Variants in CSNK1G3 observed in about 807,000 individuals in gnomAD.
CSNK1G3 encodes casein kinase 1 gamma 3.
In CSNK1G3, 23 loss-of-function variants were observed where a neutral mutation model predicts 64.3. The observed-to-expected ratio is 0.36, with a 90% CI of 0.26 to 0.51. The LOEUF (loss-of-function observed/expected upper bound fraction) is 0.51, where lower values mean the gene tolerates loss of function less well. Among genes scored for constraint, CSNK1G3 ranks in the 20% least tolerant of loss-of-function variants. The pLI is 0.96. For missense variants in CSNK1G3, 357 were observed against 510.5 expected, an observed-to-expected ratio of 0.70 and a Z score of 2.90; for synonymous variants, 158 against 162.2, an observed-to-expected ratio of 0.97 and a Z score of 0.20.
intron 6 of CSNK1G3, among the ~76,000 whole-genome samples, chr5:123,586,908 C>A (rs1218805277): frequency 2.6e-5 from 4 of 152,132 alleles, no homozygotes; most frequent in Middle Eastern, 3.2e-3. Context: ...CAAGGAGGAG[C>A]AAGTCACATC....
intron 1 of CSNK1G3, among the ~76,000 whole-genome samples, chr5:123,518,554 G>A (rs1482988931): frequency 6.6e-6 from 1 of 152,270 alleles, no homozygotes; most frequent in South Asian, 2.1e-4. Context: ...CTCTCTTTCT[G>A]TCTGTGTCTC....
At chr5:123,531,351 T>G (rs754215485) in intron 1 of CSNK1G3, among the ~76,000 whole-genome samples, 18 of 152,032 alleles carry the variant, frequency 1.2e-4, no homozygotes, top group Non-Finnish European at 2.2e-4. Flanking sequence ...TTTGCAGTCT[T>G]AAGGAGGTCA....
chr5:123,575,233 A>G (rs1450702212), intron 5 of CSNK1G3, among the ~76,000 whole-genome samples: 2 of 152,226 alleles, frequency 1.3e-5, no homozygotes, highest in East Asian at 3.8e-4. Flanking sequence ...GGAAAAAGTA[A>G]AGGAAACATG....
At chr5:123,579,291 GT>G (rs11299582) in intron 6 of CSNK1G3, among the ~76,000 whole-genome samples, 132,825 of 142,228 alleles carry the variant, frequency 0.93, 61,950 homozygotes, top group East Asian at 0.98. Flanking sequence ...TAAATTTGCT[GT>G]TTTTTTTTTT....
At chr5:123,517,999 C>T (rs1273754228) in intron 1 of CSNK1G3, among the ~76,000 whole-genome samples, 1 of 150,516 alleles carries the variant, frequency 6.6e-6, no homozygotes, top group Non-Finnish European at 1.5e-5. Flanking sequence ...AATTGTTTAT[C>T]TAGTCAGGTG....
chr5:123,568,383 C>A (rs1787379414), intron 4 of CSNK1G3, among the ~76,000 whole-genome samples: 1 of 152,090 alleles, frequency 6.6e-6, no homozygotes, highest in Admixed American at 6.5e-5. Context: ...CACCGGTTGT[C>A]ATGTAAAATC....
intron 1 of CSNK1G3, among the ~76,000 whole-genome samples, chr5:123,541,070 T>C (rs1781596083): frequency 6.6e-6 from 1 of 152,238 alleles, no homozygotes. Context: ...ACATGGCAGT[T>C]AGCTCAAGGT....
intron 1 of CSNK1G3, among the ~76,000 whole-genome samples, chr5:123,528,989 T>A (rs1450426686): frequency 6.6e-6 from 1 of 152,228 alleles, no homozygotes; most frequent in East Asian, 1.9e-4. Flanking sequence ...AAGAGTTTGC[T>A]TTTTGCAAGC....
chr5:123,591,406 A>G, exon 10 of CSNK1G3: 1 of 1,602,772 alleles, frequency 6.2e-7, no homozygotes, highest in Non-Finnish European at 8.5e-7. Context: ...GCAACAATCC[A>G]AAAACCAGGT....
chr5:123,533,928 T>C (rs1780384303), intron 1 of CSNK1G3, among the ~76,000 whole-genome samples: 1 of 152,034 alleles, frequency 6.6e-6, no homozygotes, highest in African/African-American at 2.4e-5. Flanking sequence ...ACTAGGCTAA[T>C]ATTTCTGGGT....
At chr5:123,575,701 ACTTCT>A (rs1272199069) in intron 5 of CSNK1G3, 23 bp from the exon 6 acceptor site, 2 of 1,479,390 alleles carry the variant, frequency 1.4e-6, no homozygotes, top group Non-Finnish European at 1.9e-6. Flanking sequence ...CCAAAATAAA[ACTTCT>A]CTTCTTTTTT....
At chr5:123,546,655 C>G (rs1782579866) in intron 2 of CSNK1G3, among the ~76,000 whole-genome samples, 1 of 151,934 alleles carries the variant, frequency 6.6e-6, no homozygotes, top group African/African-American at 2.4e-5. Flanking sequence ...AGTGGACCAC[C>G]AAGAGTGAAC....
chr5:123,514,524 A>G (rs1007151770), intron 1 of CSNK1G3, among the ~76,000 whole-genome samples: 1 of 152,212 alleles, frequency 6.6e-6, no homozygotes, highest in Non-Finnish European at 1.5e-5. Flanking sequence ...TACTGCCTTC[A>G]AGGGAGAAGC....
intron 5 of CSNK1G3, among the ~76,000 whole-genome samples, chr5:123,575,370 A>G (rs6595461): frequency 0.22 from 34,089 of 152,106 alleles, 4,066 homozygotes; most frequent in African/African-American, 0.28. Context: ...TTATATTGCA[A>G]TGTTTTGCAT....
At chr5:123,561,917 C>T (rs950237626) in intron 4 of CSNK1G3, among the ~76,000 whole-genome samples, 5 of 152,150 alleles carry the variant, frequency 3.3e-5, no homozygotes, top group Non-Finnish European at 7.4e-5. Context: ...AATTTTGTCT[C>T]TTAAAATCTC....
chr5:123,581,346 T>C (rs2150829634), intron 6 of CSNK1G3, among the ~76,000 whole-genome samples: 1 of 143,686 alleles, frequency 7.0e-6, no homozygotes, highest in African/African-American at 2.6e-5. Context: ...ATTCTCTTTT[T>C]GTTTTTTGGG....
intron 6 of CSNK1G3, among the ~76,000 whole-genome samples, chr5:123,582,886 A>G (rs1469782029): frequency 6.6e-6 from 1 of 152,210 alleles, no homozygotes; most frequent in Non-Finnish European, 1.5e-5. Context: ...TTATTTCCAG[A>G]TATGTCAGTT....
intron 2 of CSNK1G3, among the ~76,000 whole-genome samples, chr5:123,549,835 A>G (rs1051258667): frequency 6.6e-5 from 10 of 152,226 alleles, no homozygotes; most frequent in African/African-American, 2.4e-4. Flanking sequence ...AGAAGAGAAT[A>G]TTATGTATTG....
chr5:123,569,111 TAACA>T lies in CSNK1G3; in HGVS notation c.290-4276_290-4273del, dbSNP rs1222676667. Among the ~76,000 whole-genome samples, 5 of 152,204 alleles carry T rather than the reference TAACA, an allele frequency of 3.3e-5. No homozygotes were observed. The East Asian group carries it at 5.8e-4, about 18-fold the overall frequency. ...TAGCTGCCAACTCTTTTTGTAACTGTAACAAACAATGAAGCTTGAACATGATTAT... is the reference window on the plus strand; with the variant it reads ...TAGCTGCCAACTCTTTTTGTAACTGTAACAATGAAGCTTGAACATGATTAT... On this transcript the variant is annotated intron_variant, in intron 4 of 12. Coordinates refer to ENST00000345990, the Ensembl canonical transcript of CSNK1G3.
Sources: allele counts gnomAD v4.1 joint callset (sites outside exome capture counted in the v4.1 genomes callset), GRCh38; gene constraint gnomAD v4.1.1; transcripts MANE v1.5; gene names NCBI Gene and HGNC (gene_info 2026-07-23, HGNC 2026-07-21).